ERBB4: variants seen among roughly 807,000 people sequenced by gnomAD.
ERBB4 encodes receptor tyrosine-protein kinase erbB-4.
In ERBB4, 42 loss-of-function variants were observed where a neutral mutation model predicts 158.0. The ratio of observed to expected loss-of-function variants is 0.27; its 90% CI spans 0.21 to 0.34. The LOEUF (loss-of-function observed/expected upper bound fraction) is 0.34, where lower values mean the gene tolerates loss of function less well. Among genes scored for constraint, ERBB4 ranks in the 10% least tolerant of loss-of-function variants. The pLI, the probability that ERBB4 is intolerant of heterozygous loss-of-function variation, is 1.00. For synonymous variants in ERBB4, 583 were observed against 558.7 expected (o/e 1.04, Z -0.61); for missense variants, 1,333 against 1,624.1 (o/e 0.82, Z 3.08).
intron 3 of ERBB4, among the ~76,000 whole-genome samples, chr2:211,813,222 T>A (rs889314875): frequency 6.6e-6 from 1 of 152,178 alleles, no homozygotes; most frequent in Non-Finnish European, 1.5e-5. Context: ...ATGTAATATA[T>A]GTTTTAAAAT....
intron 1 of ERBB4, among the ~76,000 whole-genome samples, chr2:212,170,480 G>T (rs2125670398): frequency 6.6e-6 from 1 of 152,290 alleles, no homozygotes; most frequent in East Asian, 1.9e-4. Context: ...ATAACAAGGA[G>T]CCAAATGTCA....
chr2:211,468,542 T>G (rs1385455164), intron 20 of ERBB4, among the ~76,000 whole-genome samples: 3 of 152,066 alleles, frequency 2.0e-5, no homozygotes, highest in Non-Finnish European at 4.4e-5. Context: ...GGGGTCTATT[T>G]GCCTGGAAAA....
At position 211,889,180 on chromosome 2, in the gene ERBB4, C is replaced by A. The variant is rs570234038; in HGVS notation, c.421+58250G>T. On this transcript the variant is annotated intron_variant, in intron 3 of 27. Transcript: ENST00000342788. ...CAGCTTTGAAGAGAGCAGTGGTTCTCCCAGCACGCAGCTGGAGATCTGAGA... is the reference window on the plus strand; with the variant it reads ...CAGCTTTGAAGAGAGCAGTGGTTCTACCAGCACGCAGCTGGAGATCTGAGA... Among the ~76,000 whole-genome samples, 37 of 143,808 alleles carry A rather than the reference C, an allele frequency of 2.6e-4. 3 individuals are homozygous for A. Among genetic ancestry groups the A allele is most frequent in the Admixed American group, 4.0e-4 (6 of 14,862 alleles). 94.3% of individuals were successfully genotyped at this position (143,808 alleles called of 152,430 possible). A position where few individuals can be genotyped will look rare whatever the true frequency, so the allele number is the denominator to read the frequency against.
rs780595071 is a variant in ERBB4 at position 211,992,567 on chromosome 2, G to GAAA, written c.235-44954_235-44952dup. Reference sequence around the variant, plus strand: ...AGTGAGAGAGAGAGAGAGAGAGAGAGAAAAAAAAAAAAAACATGAGTTTGT... The same window carrying GAAA: ...AGTGAGAGAGAGAGAGAGAGAGAGAGAAAAAAAAAAAAAAAAACATGAGTTTGT... On this transcript the variant is annotated intron_variant, in intron 2 of 27. Coordinates refer to ENST00000342788, the MANE Select transcript of ERBB4 (RefSeq NM_005235.3). Among the ~76,000 whole-genome samples the GAAA allele has an allele frequency of 4.6e-4, 57 of 125,216 alleles. 1 individual carries two copies. The highest frequency in any genetic ancestry group is 8.0e-4 in the African/African-American group (28 of 34,836). The allele number at this position is 125,216 out of a possible 152,430, so 82.1% of individuals were successfully genotyped here. A position where few individuals can be genotyped will look rare whatever the true frequency, so the allele number is the denominator to read the frequency against.
intron 6 of ERBB4, among the ~76,000 whole-genome samples, chr2:211,724,322 G>T (rs1271308957): frequency 6.7e-6 from 1 of 150,114 alleles, no homozygotes; most frequent in African/African-American, 2.4e-5. Context: ...TATATGGTTT[G>T]CTCATTGCTG....
chr2:211,739,918 T>C (rs1457227300), intron 5 of ERBB4, among the ~76,000 whole-genome samples: 1 of 152,244 alleles, frequency 6.6e-6, no homozygotes, highest in East Asian at 1.9e-4. Flanking sequence ...AATGCAGTAG[T>C]TCCCTATTCA....
At chr2:212,319,112 C>T (rs557125893) in intron 1 of ERBB4, among the ~76,000 whole-genome samples, 30 of 151,750 alleles carry the variant, frequency 2.0e-4, no homozygotes, top group Admixed American at 1.5e-3. Flanking sequence ...CATTTTGTGG[C>T]ACAAGTCAAA....
intron 1 of ERBB4, among the ~76,000 whole-genome samples, chr2:212,418,708 C>T (rs1218221245): frequency 6.6e-6 from 1 of 151,524 alleles, no homozygotes; most frequent in Admixed American, 6.6e-5. Context: ...AATTGTGCCT[C>T]CCTAGATTGT....
intron 1 of ERBB4, among the ~76,000 whole-genome samples, chr2:212,286,604 T>TTTTTGTTTTGTTTTG (rs1553611195): frequency 1.5e-5 from 2 of 129,568 alleles, no homozygotes; most frequent in Non-Finnish European, 3.2e-5. Context: ...CTTTTTTTTT[T>TTTTTGTTTTGTTTTG]TTTTTTTTTT....
At chr2:211,890,716 C>T (rs2078941537) in intron 3 of ERBB4, among the ~76,000 whole-genome samples, 1 of 135,048 alleles carries the variant, frequency 7.4e-6, no homozygotes, top group Admixed American at 7.3e-5. Flanking sequence ...GGAAGATCTA[C>T]CAAGCAAATG....
At chr2:211,922,293 CA>C (rs2079876919) in intron 3 of ERBB4, among the ~76,000 whole-genome samples, 1 of 152,060 alleles carries the variant, frequency 6.6e-6, no homozygotes. Context: ...ATAGCTTAAA[CA>C]GTCTATTTTG....
At chr2:212,238,834 C>T (rs1167546469) in intron 1 of ERBB4, among the ~76,000 whole-genome samples, 3 of 151,418 alleles carry the variant, frequency 2.0e-5, no homozygotes, top group African/African-American at 7.3e-5. Context: ...TTTCAGGCTT[C>T]CTATATCTCA....
At chr2:212,192,106 T>TATATGTTATATGTTA (rs1559708690) in intron 1 of ERBB4, among the ~76,000 whole-genome samples, 3 of 134,650 alleles carry the variant, frequency 2.2e-5, no homozygotes, top group Admixed American at 7.5e-5. Context: ...AAGTTATATA[T>TATATGTTATATGTTA]TATATATTAT....
At chr2:211,665,274 A>G in intron 15 of ERBB4, 49 bp downstream of exon 15, 1 of 1,582,900 alleles carries the variant, frequency 6.3e-7, no homozygotes, top group Non-Finnish European at 8.7e-7. Context: ...ATAAAGATAC[A>G]TGTGGATAAC....
intron 1 of ERBB4, among the ~76,000 whole-genome samples, chr2:212,525,542 G>A (rs1692402944): frequency 6.6e-6 from 1 of 151,906 alleles, no homozygotes. Flanking sequence ...AATTCACTGT[G>A]CTACAAAAGG....
chr2:212,059,480 G>T (rs1029486142), intron 2 of ERBB4, among the ~76,000 whole-genome samples: 3 of 152,136 alleles, frequency 2.0e-5, no homozygotes, highest in Admixed American at 6.5e-5. Flanking sequence ...AGCCCACATT[G>T]CCAAGACAAT....
At chr2:211,572,091 C>A (rs2067744585) in intron 19 of ERBB4, among the ~76,000 whole-genome samples, 1 of 152,130 alleles carries the variant, frequency 6.6e-6, no homozygotes, top group East Asian at 1.9e-4. Context: ...CTCAAATCTA[C>A]ATCTTTCTGT....
At chr2:212,173,606 A>C (rs973590657) in intron 1 of ERBB4, among the ~76,000 whole-genome samples, 1 of 152,132 alleles carries the variant, frequency 6.6e-6, no homozygotes, top group African/African-American at 2.4e-5. Flanking sequence ...GAATGCATGC[A>C]CAACACCCCT....
chr2:211,923,254 A>T (rs181034183), intron 3 of ERBB4, among the ~76,000 whole-genome samples: 23 of 152,320 alleles, frequency 1.5e-4, no homozygotes, highest in African/African-American at 5.5e-4. Context: ...ACGAGAAGGC[A>T]GGAGAGAAAA....
Sources: gnomAD v4.1 joint callset for allele counts (sites outside exome capture counted in the v4.1 genomes callset) on GRCh38, gnomAD v4.1.1 for gene constraint, MANE v1.5 for transcripts, NCBI Gene and HGNC (gene_info 2026-07-23, HGNC 2026-07-21) for gene names.